Variants in APBB1IP observed in about 807,000 individuals in gnomAD.
The protein encoded by APBB1IP is amyloid beta precursor protein binding family B member 1 interacting protein.
Under a neutral mutation model 64.9 loss-of-function variants are expected in APBB1IP, and 27 were observed. That is an observed-to-expected ratio of 0.42 (90% CI 0.31 to 0.57). The LOEUF (loss-of-function observed/expected upper bound fraction) is 0.57. Ranked by LOEUF, APBB1IP falls within the 20% of genes least tolerant of loss-of-function variation. The pLI is 0.20. For synonymous variants in APBB1IP, 392 were observed against 331.0 expected (o/e 1.18, Z -2.00); for missense variants, 812 against 845.5 (o/e 0.96, Z 0.49).
At chr10:26,484,459 C>T (rs1003583276) in intron 2 of APBB1IP, among the ~76,000 whole-genome samples, 5 of 152,108 alleles carry the variant, frequency 3.3e-5, no homozygotes, top group Admixed American at 1.3e-4. Context: ...CGCACCACCA[C>T]GCCCAGCTAC....
At chr10:26,485,332 C>T (rs1045133155) in intron 2 of APBB1IP, among the ~76,000 whole-genome samples, 3 of 152,180 alleles carry the variant, frequency 2.0e-5, no homozygotes, top group Non-Finnish European at 4.4e-5. Context: ...CTGAGTGTGT[C>T]ACACCAGGAG....
intron 6 of APBB1IP, among the ~76,000 whole-genome samples, chr10:26,506,250 T>TTG (rs1554776273): frequency 1.8e-4 from 11 of 62,432 alleles, no homozygotes; most frequent in Admixed American, 8.2e-4. Flanking sequence ...CGTGTGTGTG[T>TTG]GGGGGGGGGG....
intron 6 of APBB1IP, among the ~76,000 whole-genome samples, chr10:26,508,003 C>T (rs1384466973): frequency 6.6e-6 from 1 of 152,154 alleles, no homozygotes; most frequent in Non-Finnish European, 1.5e-5. Context: ...AAAACAGAAG[C>T]CGCTCTGATC....
chr10:26,442,081 AGAG>A (rs1251168661), intron 2 of APBB1IP, among the ~76,000 whole-genome samples: 1 of 152,180 alleles, frequency 6.6e-6, no homozygotes, highest in Non-Finnish European at 1.5e-5. Flanking sequence ...ATAGTCTAGA[AGAG>A]GAGATGTAAC....
At chr10:26,562,294 T>G (rs1193624971) in intron 13 of APBB1IP, 32 bp from the exon 14 acceptor site, 10 of 1,497,752 alleles carry the variant, frequency 6.7e-6, no homozygotes, top group Non-Finnish European at 7.4e-6. Flanking sequence ...AATGCTTTGC[T>G]CACTCTTCTT....
chr10:26,462,383 T>C (rs2132407625), intron 2 of APBB1IP, among the ~76,000 whole-genome samples: 1 of 152,326 alleles, frequency 6.6e-6, no homozygotes, highest in East Asian at 1.9e-4. Flanking sequence ...TGGTTTCTGG[T>C]AGATAACCTC....
At chr10:26,460,238 A>C (rs1835573517) in intron 2 of APBB1IP, among the ~76,000 whole-genome samples, 1 of 152,256 alleles carries the variant, frequency 6.6e-6, no homozygotes, top group Non-Finnish European at 1.5e-5. Context: ...TGCTAGTCAG[A>C]AACAATACAT....
At chr10:26,490,404 C>T (rs1835940570) in intron 2 of APBB1IP, among the ~76,000 whole-genome samples, 1 of 152,096 alleles carries the variant, frequency 6.6e-6, no homozygotes, top group East Asian at 1.9e-4. Flanking sequence ...GCGGGCGGAT[C>T]ACCTGAGGTC....
At chr10:26,471,979 G>T (rs1387928832) in intron 2 of APBB1IP, among the ~76,000 whole-genome samples, 4 of 152,020 alleles carry the variant, frequency 2.6e-5, no homozygotes, top group African/African-American at 7.2e-5. Flanking sequence ...CACTGTGCCC[G>T]GCCTGTTTGA....
chr10:26,511,789 C>T lies in APBB1IP; in HGVS notation c.574C>T (p.Leu192=), dbSNP rs1220640214. 1 of 1,614,186 alleles carries T rather than the reference C, an allele frequency of 6.2e-7. No individual in the cohort carries two copies. The highest frequency in any genetic ancestry group is 1.1e-5 in the South Asian group (1 of 91,082). ...CATGAATGATAACAGCACAAAGTCA[C>T]TGATGGTGGATGAGCGGCAGCTGGC... ...VHMNDNSTKS[L]MVDERQLARD... Residue 192 remains leucine (L), a synonymous_variant, in exon 7 of 15, where the codon CTG becomes TTG. Transcript: ENST00000376236.
At chr10:26,451,391 G>A (rs1835464325) in intron 2 of APBB1IP, among the ~76,000 whole-genome samples, 1 of 152,186 alleles carries the variant, frequency 6.6e-6, no homozygotes, top group Non-Finnish European at 1.5e-5. Flanking sequence ...GCCCAGCCTA[G>A]CGTTGCTTCC....
intron 8 of APBB1IP, among the ~76,000 whole-genome samples, chr10:26,528,058 A>C (rs1187514856): frequency 6.6e-6 from 1 of 152,162 alleles, no homozygotes; most frequent in African/African-American, 2.4e-5. Flanking sequence ...GTCAATGGGA[A>C]GAGTACAGGC....
At chr10:26,512,546 T>A (rs1371670064) in intron 7 of APBB1IP, among the ~76,000 whole-genome samples, 1 of 152,084 alleles carries the variant, frequency 6.6e-6, no homozygotes, top group Non-Finnish European at 1.5e-5. Flanking sequence ...TGGTAGACAC[T>A]GATGGAATTT....
At chr10:26,464,391 G>A (rs551197240) in intron 2 of APBB1IP, among the ~76,000 whole-genome samples, 4 of 152,176 alleles carry the variant, frequency 2.6e-5, no homozygotes, top group South Asian at 2.1e-4. Context: ...TTTAGTCCTC[G>A]TGACAAATTT....
Position 26,560,221 on chromosome 10 carries a change from C to T in APBB1IP, c.1254+18C>T, listed in dbSNP as rs574844510. ...TAGCCAAGGTGAGAGAGCGTTCGGA[C>T]TTCACCCTGTCTTGAACTTGCCAGC... On this transcript the variant is annotated intron_variant, in intron 12 of 14. Transcript: ENST00000376236. 2 of 1,608,726 alleles carry T rather than the reference C, an allele frequency of 1.2e-6. No homozygotes were observed.
chr10:26,536,216 AGGTCAG>A lies in APBB1IP; in HGVS notation c.1044_1044+5del. The A allele has an allele frequency of 6.5e-7, 1 of 1,531,620 alleles. No individual in the cohort carries two copies. The allele number at this position is 1,531,620 out of a possible 1,614,324, so 94.9% of individuals were successfully genotyped here. A position where few individuals can be genotyped will look rare whatever the true frequency, so the allele number is the denominator to read the frequency against. On this transcript the variant is annotated splice_donor_variant and splice_donor_5th_base_variant and coding_sequence_variant and intron_variant, in exon 10 of 15. Coordinates refer to ENST00000376236, the MANE Select transcript of APBB1IP (RefSeq NM_019043.4). LOFTEE classifies it high-confidence loss of function. ...TATTATGTACCCAAAGGAAAGACTA[AGGTCAG>A]AAAAAAAAAAAAAAAAGCACTTAGC...
chr10:26,561,094 T>A (rs1229201542), intron 13 of APBB1IP, among the ~76,000 whole-genome samples: 1 of 112,024 alleles, frequency 8.9e-6, no homozygotes, highest in African/African-American at 3.5e-5. Context: ...TTTTTGAGAC[T>A]CTCTCGCACT....
intron 2 of APBB1IP, among the ~76,000 whole-genome samples, chr10:26,446,694 C>T (rs1326330300): frequency 6.6e-6 from 1 of 152,068 alleles, no homozygotes; most frequent in African/African-American, 2.4e-5. Context: ...GTAGGGGGCA[C>T]GTGTAGCTAA....
In APBB1IP at chr10:26,500,728, C is replaced by T. The variant is rs1184152819; in HGVS notation, c.161-91C>T. 4 of 1,225,944 alleles carry T rather than the reference C, an allele frequency of 3.3e-6. No individual in the cohort carries two copies. In the African/African-American group the frequency reaches 4.6e-5, roughly 14 times the overall value. The allele number at this position is 1,225,944 out of a possible 1,614,324, so 75.9% of individuals were successfully genotyped here. A position where few individuals can be genotyped will look rare whatever the true frequency, so the allele number is the denominator to read the frequency against. ...AACCAATCAAGATAATGATTCCTTT[C>T]TACTCAAATATTATGCTTAAAAATT... On this transcript the variant is annotated intron_variant, in intron 4 of 14. Coordinates refer to ENST00000376236, the MANE Select transcript of APBB1IP (RefSeq NM_019043.4).
Sources: allele counts gnomAD v4.1 joint callset (sites outside exome capture counted in the v4.1 genomes callset), GRCh38; gene constraint gnomAD v4.1.1; transcripts MANE v1.5; gene names NCBI Gene and HGNC (gene_info 2026-07-23, HGNC 2026-07-21).